TAFA1: variants seen among roughly 807,000 people sequenced by gnomAD.
TAFA1 encodes the protein TAFA chemokine like family member 1, also known as chemokine-like protein TAFA-1.
TAFA1 carries 4 observed loss-of-function variants against 18.5 expected under a neutral mutation model. The ratio of observed to expected loss-of-function variants is 0.22; its 90% CI spans 0.11 to 0.49. The LOEUF (loss-of-function observed/expected upper bound fraction) is 0.49, where lower values mean the gene tolerates loss of function less well. TAFA1 is among the 20% of genes least tolerant of loss of function. The pLI is 0.98. For synonymous variants in TAFA1, 56 were observed against 55.2 expected (o/e 1.01, Z -0.06); for missense variants, 147 against 169.0 (o/e 0.87, Z 0.72).
At chr3:68,032,070 C>A (rs1327442967) in intron 2 of TAFA1, among the ~76,000 whole-genome samples, 1 of 151,946 alleles carries the variant, frequency 6.6e-6, no homozygotes, top group Non-Finnish European at 1.5e-5. Context: ...AGTCTTAAAT[C>A]TTAAATATCA....
At chr3:68,017,795 C>T (rs1704599992) in intron 2 of TAFA1, among the ~76,000 whole-genome samples, 1 of 152,202 alleles carries the variant, frequency 6.6e-6, no homozygotes, top group African/African-American at 2.4e-5. Context: ...TCGCCTGATT[C>T]TTCTCTAACT....
rs763892696 is a variant in TAFA1 at position 68,208,562 on chromosome 3, A to C, written c.118+201818A>C. 8.6e-5 allele frequency among the ~76,000 whole-genome samples: 13 copies of C among 152,000 alleles called. 1 individual carries two copies. Among genetic ancestry groups the C allele is most frequent in the Non-Finnish European group, 1.3e-4 (9 of 67,920 alleles). On this transcript the variant is annotated intron_variant, in intron 2 of 4. Transcript: ENST00000478136. ...TCCATTAAGGGACTGGCTCTAACAT[A>C]GAGCCTTCTGGTTTTTGAACCAAAC...
Position 68,468,114 on chromosome 3 carries a change from T to C in TAFA1, c.259+50694T>C, listed in dbSNP as rs560256071. Among the ~76,000 whole-genome samples the C allele has an allele frequency of 2.0e-5, 3 of 152,250 alleles. No homozygotes were observed. The South Asian group carries it at 6.2e-4, about 32-fold the overall frequency. On this transcript the variant is annotated intron_variant, in intron 3 of 4. Transcript: ENST00000478136. ...CACTTTGACAGGGCCCTGATACATA[T>C]AAAAACAAAAACAAAACAGAAAACC...
intron 2 of TAFA1, among the ~76,000 whole-genome samples, chr3:68,266,259 T>A (rs1050769465): frequency 1.3e-5 from 2 of 152,154 alleles, no homozygotes; most frequent in African/African-American, 4.8e-5. Context: ...GTCCCAGCAG[T>A]TGGTAGAGAG....
chr3:68,016,805 G>A (rs989963051), intron 2 of TAFA1, among the ~76,000 whole-genome samples: 1 of 152,092 alleles, frequency 6.6e-6, no homozygotes, highest in Non-Finnish European at 1.5e-5. Flanking sequence ...ATATTCTCAT[G>A]ACCCATAATA....
At chr3:68,233,343 C>G (rs751715660) in intron 2 of TAFA1, among the ~76,000 whole-genome samples, 6 of 152,080 alleles carry the variant, frequency 3.9e-5, no homozygotes, top group Non-Finnish European at 8.8e-5. Flanking sequence ...TGTACAAAAG[C>G]TTTTTAGTCT....
At chr3:68,104,098 T>A (rs1417603222) in intron 2 of TAFA1, among the ~76,000 whole-genome samples, 1 of 152,182 alleles carries the variant, frequency 6.6e-6, no homozygotes, top group Non-Finnish European at 1.5e-5. Context: ...TAATAATTAG[T>A]CTTTACTGCT....
intron 2 of TAFA1, among the ~76,000 whole-genome samples, chr3:68,280,887 G>T (rs990860898): frequency 2.0e-5 from 3 of 151,944 alleles, no homozygotes; most frequent in Admixed American, 6.6e-5. Context: ...GTGTTCTTAG[G>T]CAATTAGTCT....
At chr3:68,510,593 G>T (rs891861789) in intron 3 of TAFA1, among the ~76,000 whole-genome samples, 1 of 152,132 alleles carries the variant, frequency 6.6e-6, no homozygotes, top group African/African-American at 2.4e-5. Flanking sequence ...GTAGCCAACA[G>T]TCCACACAAT....
chr3:68,375,626 A>G (rs1045012960), intron 2 of TAFA1, among the ~76,000 whole-genome samples: 1 of 152,284 alleles, frequency 6.6e-6, no homozygotes, highest in Middle Eastern at 3.4e-3. Context: ...TTCTTTGTTC[A>G]ATTCAATTCA....
intron 2 of TAFA1, among the ~76,000 whole-genome samples, chr3:68,387,890 A>C (rs2070138545): frequency 6.6e-6 from 1 of 152,172 alleles, no homozygotes; most frequent in Non-Finnish European, 1.5e-5. Context: ...TATGAAAAAC[A>C]ATTATTATTG....
intron 2 of TAFA1, among the ~76,000 whole-genome samples, chr3:68,133,199 G>A (rs192699218): frequency 3.9e-5 from 6 of 152,180 alleles, no homozygotes; most frequent in Admixed American, 3.3e-4. Flanking sequence ...TTAGTTCTGA[G>A]GCCTCTGTTC....
intron 2 of TAFA1, among the ~76,000 whole-genome samples, chr3:68,229,678 G>A (rs2066846534): frequency 6.6e-6 from 1 of 152,196 alleles, no homozygotes; most frequent in South Asian, 2.1e-4. Flanking sequence ...GAAGAAATTA[G>A]ACTAATTAAA....
chr3:68,070,065 C>G (rs1404722892), intron 2 of TAFA1, among the ~76,000 whole-genome samples: 1 of 152,206 alleles, frequency 6.6e-6, no homozygotes, highest in African/African-American at 2.4e-5. Flanking sequence ...CATCTTCTCA[C>G]AGATTCACTA....
At chr3:68,197,448 C>A (rs547165187) in intron 2 of TAFA1, among the ~76,000 whole-genome samples, 19 of 151,728 alleles carry the variant, frequency 1.3e-4, no homozygotes, top group African/African-American at 4.3e-4. Context: ...GAAGGACAAG[C>A]TCCTATGGGG....
In TAFA1 at chr3:68,439,412, C is replaced by CATATATATATATATATATATATAT. The variant is rs57059146; in HGVS notation, c.259+22001_259+22024dup. 3.6e-3 allele frequency among the ~76,000 whole-genome samples: 262 copies of CATATATATATATATATATATATAT among 73,362 alleles called. 15 individuals are homozygous for CATATATATATATATATATATATAT. The highest frequency in any genetic ancestry group is 4.6e-3 in the Non-Finnish European group (191 of 41,326). 48.1% of individuals were successfully genotyped at this position (73,362 alleles called of 152,430 possible). A position where few individuals can be genotyped will look rare whatever the true frequency, so the allele number is the denominator to read the frequency against. ...AGAAGTAATAGAATATATATACATA[C>CATATATATATATATATATATATAT]ATATATATATATATATATATATATA... On this transcript the variant is annotated intron_variant, in intron 3 of 4. Coordinates refer to ENST00000478136, the MANE Select transcript of TAFA1 (RefSeq NM_213609.4).
chr3:68,223,545 T>A (rs1440136203), intron 2 of TAFA1, among the ~76,000 whole-genome samples: 1 of 145,850 alleles, frequency 6.9e-6, no homozygotes, highest in Non-Finnish European at 1.5e-5. Flanking sequence ...TTTTTTTTTT[T>A]TATTATCACC....
intron 2 of TAFA1, among the ~76,000 whole-genome samples, chr3:68,183,701 G>A (rs909213595): frequency 5.3e-5 from 8 of 152,082 alleles, no homozygotes; most frequent in Non-Finnish European, 1.2e-4. Context: ...CATTACCTGT[G>A]TGGTGATTTC....
intron 2 of TAFA1, among the ~76,000 whole-genome samples, chr3:68,185,906 AAAATAAAT>A (rs10580284): frequency 0.047 from 6,987 of 149,876 alleles, 517 homozygotes; most frequent in African/African-American, 0.16. Flanking sequence ...TGTCTCAAAT[AAAATAAAT>A]AAATAAATAA....
Sources: allele counts gnomAD v4.1 joint callset (sites outside exome capture counted in the v4.1 genomes callset), GRCh38; gene constraint gnomAD v4.1.1; transcripts MANE v1.5; gene names NCBI Gene and HGNC (gene_info 2026-07-23, HGNC 2026-07-21).